Variants in NLRP12 observed in about 807,000 individuals in gnomAD.
NLRP12 encodes the protein NLR family pyrin domain containing 12.
NLRP12 carries 108 observed loss-of-function variants against 91.2 expected under a neutral mutation model. The observed-to-expected ratio is 1.18, with a 90% CI of 1.01 to 1.39. The LOEUF (loss-of-function observed/expected upper bound fraction) is 1.39, where lower values mean the gene tolerates loss of function less well. NLRP12 is among the 40% of genes most tolerant of loss of function. The pLI, the probability that NLRP12 is intolerant of heterozygous loss-of-function variation, is 0.00. For synonymous variants in NLRP12, 613 were observed against 566.7 expected (o/e 1.08, Z -1.16); for missense variants, 1,530 against 1,352.7 (o/e 1.13, Z -2.06).
At chr19:53,821,031 CTTTTTTTTTTT>C (rs1158419664) in intron 1 of NLRP12, among the ~76,000 whole-genome samples, 2 of 81,272 alleles carry the variant, frequency 2.5e-5, no homozygotes, top group South Asian at 4.5e-4. Flanking sequence ...CATATTTTTT[CTTTTTTTTTTT>C]TTTTTTTTTT....
chr19:53,795,049 C>T (rs1383466337), intron 9 of NLRP12, among the ~76,000 whole-genome samples: 2 of 151,914 alleles, frequency 1.3e-5, no homozygotes, highest in East Asian at 3.9e-4. Context: ...AGGATCCTCC[C>T]ACCTCAGCCC....
chr19:53,801,831 G>A (rs930063428), intron 6 of NLRP12, among the ~76,000 whole-genome samples: 4 of 151,980 alleles, frequency 2.6e-5, no homozygotes, highest in Non-Finnish European at 5.9e-5. Flanking sequence ...GGTGGCTCAC[G>A]CCTGTAATCC....
At chr19:53,800,990 C>G (rs1191040986) in intron 7 of NLRP12, among the ~76,000 whole-genome samples, 4 of 151,256 alleles carry the variant, frequency 2.6e-5, no homozygotes, top group Non-Finnish European at 4.4e-5. Flanking sequence ...GTCAGTAGAT[C>G]GAGACCATCC....
intron 3 of NLRP12, among the ~76,000 whole-genome samples, chr19:53,808,878 AT>A (rs1303956754): frequency 6.6e-6 from 1 of 152,012 alleles, no homozygotes; most frequent in East Asian, 1.9e-4. Flanking sequence ...TGTCAGTAGT[AT>A]TATTTGCTTC....
intron 1 of NLRP12, among the ~76,000 whole-genome samples, chr19:53,819,067 C>T (rs576328879): frequency 6.6e-6 from 1 of 151,960 alleles, no homozygotes; most frequent in African/African-American, 2.4e-5. Flanking sequence ...GAAGAACGCT[C>T]GGCAAATGGT....
At position 53,815,000 on chromosome 19, in the gene NLRP12, A is replaced by G; in HGVS notation, c.290-12T>C. The G allele has an allele frequency of 6.2e-7, 1 of 1,602,938 alleles. No individual in the cohort carries two copies. The highest frequency in any genetic ancestry group is 8.5e-7 in the Non-Finnish European group (1 of 1,169,846). ...ACCAGGTGGGGTATCTGGAAGAGAA[A>G]TTGTGGAAGATGAGCTAGCACGCAT... On this transcript the variant is annotated splice_polypyrimidine_tract_variant and intron_variant, in intron 1 of 9. Coordinates refer to ENST00000324134, the MANE Select transcript of NLRP12 (RefSeq NM_144687.4).
chr19:53,809,046 C>G (rs529128662), intron 3 of NLRP12, among the ~76,000 whole-genome samples: 1 of 151,708 alleles, frequency 6.6e-6, no homozygotes, highest in Admixed American at 6.6e-5. Flanking sequence ...GCTAACACAG[C>G]GAAACCCCAT....
chr19:53,818,763 G>C (rs748008771), intron 1 of NLRP12, among the ~76,000 whole-genome samples: 1 of 152,186 alleles, frequency 6.6e-6, no homozygotes, highest in African/African-American at 2.4e-5. Context: ...TAGGCATGCC[G>C]CGAGAACCAG....
chr19:53,823,434 AAAATATATGTTTT>A (rs1568702737), intron 1 of NLRP12, among the ~76,000 whole-genome samples: 16 of 125,442 alleles, frequency 1.3e-4, no homozygotes, highest in African/African-American at 1.5e-4. Context: ...ATATATATTT[AAAATATATGTTTT>A]AAATATATAT....
intron 1 of NLRP12, among the ~76,000 whole-genome samples, chr19:53,823,502 A>T (rs750400004): frequency 0.18 from 17,178 of 94,410 alleles, 1,622 homozygotes; most frequent in African/African-American, 0.26. Flanking sequence ...ATATTTATTT[A>T]AAATATATAT....
rs2092305463 is a variant in NLRP12 at position 53,823,885 on chromosome 19, C to T, written c.289+1G>A. On this transcript the variant is annotated splice_donor_variant, in intron 1 of 9. Transcript: ENST00000324134. LOFTEE classifies it high-confidence loss of function. ...CCTTGCCTGTCCCGCCACCTCCTTA[C>T]CCCTCACCAGGTCCTCTCTCTGTCC... 1.2e-6 allele frequency: 2 copies of T among 1,613,904 alleles called. No homozygotes were observed. Among genetic ancestry groups the T allele is most frequent in the South Asian group, 1.1e-5 (1 of 91,066 alleles).
At chr19:53,819,280 TG>T (rs1189618234) in intron 1 of NLRP12, among the ~76,000 whole-genome samples, 2 of 151,084 alleles carry the variant, frequency 1.3e-5, no homozygotes, top group African/African-American at 4.9e-5. Flanking sequence ...GTCTCGCTTT[TG>T]TCATCCAGGC....
intron 1 of NLRP12, among the ~76,000 whole-genome samples, chr19:53,820,056 A>G (rs958618780): frequency 1.3e-5 from 2 of 152,100 alleles, no homozygotes; most frequent in African/African-American, 4.8e-5. Context: ...GTGACTGTGT[A>G]TATCCAGTTA....
Position 53,802,434 on chromosome 19 carries a change from A to G in NLRP12, c.2586-1037T>C, listed in dbSNP as rs190667889. Among the ~76,000 whole-genome samples, 280 of 151,222 alleles carry G rather than the reference A, an allele frequency of 1.9e-3. 1 individual carries two copies. The highest frequency in any genetic ancestry group is 6.3e-3 in the African/African-American group (258 of 41,280). ...AAAAATAAATAGAATGCGGCCGGGC[A>G]TGGTGGCTCACGCCTGTAATCCCAG... On this transcript the variant is annotated intron_variant, in intron 6 of 9. Coordinates refer to ENST00000324134, the MANE Select transcript of NLRP12 (RefSeq NM_144687.4).
Position 53,810,295 on chromosome 19 carries a change from G to C in NLRP12, c.1364C>G (p.Pro455Arg), listed in dbSNP as rs1402019673. ...GGAGCACAACCCTCTCTGGTTGGGT[G>C]GGGGCTGGAGGCGCGGGGCCCCCGG... ...PKPGAPRLQP[P>R]PNQRGLCSLA... Residue 455 changes from proline to arginine, a missense_variant, in exon 3 of 10, where the codon CCA (proline) becomes CGA (arginine). Transcript: ENST00000324134. The C allele has an allele frequency of 6.2e-7, 1 of 1,613,916 alleles. No individual in the cohort carries two copies. The highest frequency in any genetic ancestry group is 8.5e-7 in the Non-Finnish European group (1 of 1,180,020).
chr19:53,810,759 C>T lies in NLRP12; in HGVS notation c.900G>A (p.Lys300=), dbSNP rs1247545271. ...LFIIDGFDEL[K]PSFHDPQGPW... ...GTCCCTGAGGATCGTGGAAAGAAGG[C>T]TTGAGCTCATCGAAGCCGTCGATGA... The change falls in exon 3 of 10, where the codon AAG becomes AAA. Residue 300 remains lysine (K), a synonymous_variant. Coordinates refer to ENST00000324134, the MANE Select transcript of NLRP12 (RefSeq NM_144687.4). 2 of 1,613,864 alleles carry T rather than the reference C, an allele frequency of 1.2e-6. No individual in the cohort carries two copies. The highest frequency in any genetic ancestry group is 2.7e-5 in the African/African-American group (2 of 74,912).
chr19:53,808,617 A>G (rs564436632), intron 3 of NLRP12: 1 of 152,218 alleles, frequency 6.6e-6, no homozygotes, highest in African/African-American at 2.4e-5. Context: ...AGGCTGAGAC[A>G]CGCAAGGTGG....
intron 3 of NLRP12, 95 bp from the exon 4 acceptor site, chr19:53,807,760 C>A: frequency 6.9e-7 from 1 of 1,445,374 alleles, no homozygotes; most frequent in South Asian, 1.2e-5. Flanking sequence ...AGCATGCTAT[C>A]CTTTTTTGAG....
chr19:53,807,110 C>T (rs975522844), intron 4 of NLRP12, among the ~76,000 whole-genome samples: 2 of 151,464 alleles, frequency 1.3e-5, no homozygotes, highest in African/African-American at 2.4e-5. Flanking sequence ...CCGTATCACC[C>T]AGGCTGGAGT....
Sources: allele counts gnomAD v4.1 joint callset (sites outside exome capture counted in the v4.1 genomes callset), GRCh38; gene constraint gnomAD v4.1.1; transcripts MANE v1.5; gene names NCBI Gene and HGNC (gene_info 2026-07-23, HGNC 2026-07-21).